Variants in PTPRD observed in about 807,000 individuals in gnomAD.
PTPRD encodes receptor-type tyrosine-protein phosphatase delta.
In PTPRD, 34 loss-of-function variants were observed where a neutral mutation model predicts 214.5. That is an observed-to-expected ratio of 0.16 (90% CI 0.12 to 0.21). The LOEUF (loss-of-function observed/expected upper bound fraction) is 0.21, where lower values mean the gene tolerates loss of function less well. Ranked by LOEUF, PTPRD falls within the 10% of genes least tolerant of loss-of-function variation. The probability of loss-of-function intolerance (pLI) is 1.00; values close to 1 mark genes in which losing one functional copy is unlikely to be tolerated. For missense variants in PTPRD, 2,545 were observed against 2,398.7 expected (o/e 1.06, Z -1.27); for synonymous variants, 1,128 against 845.7 (o/e 1.33, Z -5.79).
At chr9:8,644,752 C>T (rs1207543955) in intron 12 of PTPRD, among the ~76,000 whole-genome samples, 1 of 152,220 alleles carries the variant, frequency 6.6e-6, no homozygotes, top group East Asian at 1.9e-4. Flanking sequence ...CACCCCGTGG[C>T]AGCGGCCAAC....
At chr9:9,054,498 T>C (rs546951692) in intron 10 of PTPRD, among the ~76,000 whole-genome samples, 1 of 152,252 alleles carries the variant, frequency 6.6e-6, no homozygotes, top group East Asian at 1.9e-4. Flanking sequence ...ATCTAGACCT[T>C]CATGACTTGC....
At chr9:10,363,541 C>G (rs1244548330) in intron 2 of PTPRD, among the ~76,000 whole-genome samples, 3 of 152,166 alleles carry the variant, frequency 2.0e-5, no homozygotes, top group Non-Finnish European at 4.4e-5. Context: ...AATGATTTGT[C>G]TGGATATTTC....
intron 7 of PTPRD, among the ~76,000 whole-genome samples, chr9:9,638,254 T>A (rs2154363900): frequency 6.6e-6 from 1 of 152,284 alleles, no homozygotes; most frequent in South Asian, 2.1e-4. Flanking sequence ...TTCTCTCTTT[T>A]CACATTTTAC....
intron 4 of PTPRD, among the ~76,000 whole-genome samples, chr9:10,024,263 A>G (rs1043120276): frequency 5.9e-5 from 9 of 152,124 alleles, no homozygotes; most frequent in Admixed American, 1.3e-4. Context: ...TTTATGCACT[A>G]TTACCTAAAT....
chr9:10,060,867 T>TCCTTCCTTC, intron 3 of PTPRD, among the ~76,000 whole-genome samples: 1 of 91,952 alleles, frequency 1.1e-5, no homozygotes, highest in South Asian at 3.5e-4. Flanking sequence ...CTTCCTTCCT[T>TCCTTCCTTC]CTTTCCTTCC....
intron 11 of PTPRD, among the ~76,000 whole-genome samples, chr9:8,774,103 G>A (rs1181207821): frequency 3.3e-5 from 5 of 152,076 alleles, no homozygotes; most frequent in Non-Finnish European, 7.4e-5. Context: ...CCCCACCTTG[G>A]ACAAGCTCCT....
At chr9:10,387,436 G>A (rs10959087) in intron 2 of PTPRD, among the ~76,000 whole-genome samples, 13,460 of 151,776 alleles carry the variant, frequency 0.089, 1,281 homozygotes, top group East Asian at 0.46. Flanking sequence ...ATATCAGAAG[G>A]CATAGGTCTC....
intron 3 of PTPRD, among the ~76,000 whole-genome samples, chr9:10,273,946 T>C (rs2094546876): frequency 1.3e-5 from 2 of 150,850 alleles, no homozygotes; most frequent in Non-Finnish European, 3.0e-5. Flanking sequence ...AGTGTAACAA[T>C]AGCTATGTAA....
chr9:9,436,250 C>A (rs186670058), intron 8 of PTPRD, among the ~76,000 whole-genome samples: 3 of 152,036 alleles, frequency 2.0e-5, no homozygotes, highest in Non-Finnish European at 2.9e-5. Context: ...TAAGCTGTGA[C>A]CCCCTATTTA....
chr9:8,978,407 C>T (rs959828556), intron 11 of PTPRD, among the ~76,000 whole-genome samples: 2 of 152,102 alleles, frequency 1.3e-5, no homozygotes, highest in Non-Finnish European at 2.9e-5. Context: ...GTAGTTTTCA[C>T]ATATTGGGCT....
intron 10 of PTPRD, among the ~76,000 whole-genome samples, chr9:9,152,521 G>A (rs1405037151): frequency 6.6e-6 from 1 of 152,096 alleles, no homozygotes; most frequent in Non-Finnish European, 1.5e-5. Flanking sequence ...AAGATTAATG[G>A]TAAAGACAAA....
At chr9:9,923,437 T>A (rs2083241273) in intron 5 of PTPRD, among the ~76,000 whole-genome samples, 2 of 151,264 alleles carry the variant, frequency 1.3e-5, no homozygotes, top group Admixed American at 6.6e-5. Flanking sequence ...TTGCAGTTGA[T>A]AAGACTAAAT....
At chr9:8,373,973 G>T (rs974020205) in intron 39 of PTPRD, among the ~76,000 whole-genome samples, 3 of 151,158 alleles carry the variant, frequency 2.0e-5, no homozygotes, top group African/African-American at 7.3e-5. Flanking sequence ...GAAATGGGAA[G>T]AACATTTGGA....
At chr9:9,586,425 T>G (rs1018867615) in intron 7 of PTPRD, among the ~76,000 whole-genome samples, 1 of 152,030 alleles carries the variant, frequency 6.6e-6, no homozygotes, top group Non-Finnish European at 1.5e-5. Context: ...TTATAATTCT[T>G]GAGTTGAGTT....
chr9:9,999,702 C>T (rs1195939261), intron 4 of PTPRD, among the ~76,000 whole-genome samples: 3 of 152,102 alleles, frequency 2.0e-5, no homozygotes, highest in African/African-American at 4.8e-5. Context: ...AATATTTTGC[C>T]TCATTATACT....
chr9:8,795,106 G>C (rs1411161232), intron 11 of PTPRD, among the ~76,000 whole-genome samples: 1 of 151,782 alleles, frequency 6.6e-6, no homozygotes, highest in Non-Finnish European at 1.5e-5. Flanking sequence ...TAATTTCTTG[G>C]GCACTACCAA....
At chr9:9,547,665 G>T (rs559670526) in intron 8 of PTPRD, among the ~76,000 whole-genome samples, 1 of 152,134 alleles carries the variant, frequency 6.6e-6, no homozygotes, top group African/African-American at 2.4e-5. Flanking sequence ...TGTACATCAG[G>T]ATATTTAGCC....
intron 11 of PTPRD, among the ~76,000 whole-genome samples, chr9:8,989,836 C>CA (rs2099359498): frequency 1.3e-5 from 2 of 151,692 alleles, no homozygotes; most frequent in South Asian, 4.2e-4. Flanking sequence ...TGAAGCTTTG[C>CA]AAAAAGAAAC....
intron 11 of PTPRD, among the ~76,000 whole-genome samples, chr9:8,977,694 G>T (rs4742552): frequency 6.7e-6 from 1 of 148,874 alleles, no homozygotes. Flanking sequence ...CTAGTCCTCA[G>T]TTGTCCCTTT....
Sources: gnomAD v4.1 joint callset for allele counts (sites outside exome capture counted in the v4.1 genomes callset) on GRCh38, gnomAD v4.1.1 for gene constraint, MANE v1.5 for transcripts, NCBI Gene and HGNC (gene_info 2026-07-23, HGNC 2026-07-21) for gene names.